Variants in PXT1 observed in about 807,000 individuals in gnomAD.
The protein encoded by PXT1 is peroxisomal testis-specific protein 1.
In PXT1, 11 loss-of-function variants were observed where a neutral mutation model predicts 11.0. The ratio of observed to expected loss-of-function variants is 1.00; its 90% CI spans 0.63 to 1.66. The LOEUF is 1.66. Among genes scored for constraint, PXT1 ranks in the 40% most tolerant of loss-of-function variants. The probability of loss-of-function intolerance (pLI) is 0.00; values close to 1 mark genes in which losing one functional copy is unlikely to be tolerated. For synonymous variants in PXT1, 43 were observed against 51.4 expected (o/e 0.84, Z 0.70); for missense variants, 141 against 155.5 (o/e 0.91, Z 0.49).
At chr6:36,404,065 A>C (rs1378542198) in intron 3 of PXT1, among the ~76,000 whole-genome samples, 1 of 152,226 alleles carries the variant, frequency 6.6e-6, no homozygotes, top group Non-Finnish European at 1.5e-5. Flanking sequence ...TGGATAAGAC[A>C]GATGGTTAAC....
intron 1 of PXT1, among the ~76,000 whole-genome samples, chr6:36,439,936 A>C (rs146125763): frequency 6.6e-6 from 1 of 152,138 alleles, no homozygotes; most frequent in Non-Finnish European, 1.5e-5. Flanking sequence ...CTTCCTCTCT[A>C]CAAATTAAAA....
chr6:36,442,201 G>A (rs1774882507), intron 1 of PXT1, among the ~76,000 whole-genome samples: 1 of 152,016 alleles, frequency 6.6e-6, no homozygotes. Flanking sequence ...GCTAATTTTT[G>A]TATTTTTAGC....
At chr6:36,422,880 C>G (rs1774542313) in intron 3 of PXT1, among the ~76,000 whole-genome samples, 1 of 152,116 alleles carries the variant, frequency 6.6e-6, no homozygotes, top group South Asian at 2.1e-4. Flanking sequence ...CACTTCTGCC[C>G]CTTGTCAAAT....
At chr6:36,414,807 T>C (rs9296180) in intron 3 of PXT1, among the ~76,000 whole-genome samples, 71,069 of 152,074 alleles carry the variant, frequency 0.47, 17,118 homozygotes, top group Middle Eastern at 0.58. Context: ...TTCTCAGAGA[T>C]AAACCACCTC....
At chr6:36,426,197 A>C (rs1312091156) in intron 2 of PXT1, 106 bp from the exon 3 acceptor site, 1 of 717,806 alleles carries the variant, frequency 1.4e-6, no homozygotes, top group Non-Finnish European at 2.2e-6. Flanking sequence ...TTTATTCCAC[A>C]TATAAGAGAG....
chr6:36,406,258 A>T (rs142125643), intron 3 of PXT1, among the ~76,000 whole-genome samples: 118 of 152,302 alleles, frequency 7.7e-4, no homozygotes, highest in Middle Eastern at 6.8e-3. Context: ...ACTTGACCCA[A>T]GAACAAATAA....
chr6:36,417,144 G>A (rs1370825497), intron 3 of PXT1, among the ~76,000 whole-genome samples: 1 of 152,046 alleles, frequency 6.6e-6, no homozygotes, highest in Non-Finnish European at 1.5e-5. Context: ...TCAGGAGTTC[G>A]AGATCAGCCT....
At chr6:36,419,564 C>A (rs1774494715) in intron 3 of PXT1, among the ~76,000 whole-genome samples, 1 of 152,142 alleles carries the variant, frequency 6.6e-6, no homozygotes, top group Non-Finnish European at 1.5e-5. Context: ...TATTTTGTGC[C>A]TGTCTAAACA....
intron 3 of PXT1, among the ~76,000 whole-genome samples, chr6:36,414,927 T>A (rs72849570): frequency 3.3e-5 from 5 of 152,362 alleles, no homozygotes; most frequent in Non-Finnish European, 7.3e-5. Context: ...TTAAATTCAA[T>A]CGCTTTGAAG....
chr6:36,395,865 T>A (rs551821745), intron 4 of PXT1, among the ~76,000 whole-genome samples: 70 of 151,794 alleles, frequency 4.6e-4, no homozygotes, highest in African/African-American at 1.6e-3. Flanking sequence ...TACCCAGGTG[T>A]GGTGGTGGGC....
intron 3 of PXT1, among the ~76,000 whole-genome samples, chr6:36,403,795 G>T (rs567609393): frequency 6.6e-6 from 1 of 152,262 alleles, no homozygotes; most frequent in South Asian, 2.1e-4. Flanking sequence ...CTGAGCCCAG[G>T]AGGTCAAGGC....
intron 3 of PXT1, among the ~76,000 whole-genome samples, chr6:36,406,320 C>G (rs2894406): frequency 0.48 from 72,937 of 151,916 alleles, 17,872 homozygotes; most frequent in Middle Eastern, 0.58. Flanking sequence ...AACAGGGTCA[C>G]TCAGGTTCCT....
chr6:36,416,813 T>C (rs114837000), intron 3 of PXT1, among the ~76,000 whole-genome samples: 1,731 of 152,338 alleles, frequency 0.011, 33 homozygotes, highest in African/African-American at 0.035. Context: ...ACGGATAGCA[T>C]GGAAGAGCTG....
intron 3 of PXT1, 22 bp downstream of exon 3, chr6:36,425,892 T>C (rs1396487791): frequency 6.6e-7 from 1 of 1,515,118 alleles, no homozygotes; most frequent in Non-Finnish European, 8.8e-7. Flanking sequence ...CTATTTATCT[T>C]AGTTTAATCC....
chr6:36,391,423 C>T lies in PXT1; in HGVS notation c.*347G>A, dbSNP rs1054064660. 8 of 241,844 alleles carry T rather than the reference C, an allele frequency of 3.3e-5. No individual in the cohort carries two copies. Among genetic ancestry groups the T allele is most frequent in the East Asian group, 1.3e-4 (1 of 7,694 alleles). 15.0% of individuals were successfully genotyped at this position (241,844 alleles called of 1,614,324 possible). A position where few individuals can be genotyped will look rare whatever the true frequency, so the allele number is the denominator to read the frequency against. On this transcript the variant is annotated 3_prime_UTR_variant, in exon 5 of 5. Coordinates refer to ENST00000454782, the MANE Select transcript of PXT1 (RefSeq NM_152990.4). ...ATTTCTGTGGCCTTTAGTTTGAGGA[C>T]GAGGTTCTCTTTCATTCCTGGAAGG...
chr6:36,428,920 T>C (rs1209977699), intron 2 of PXT1, among the ~76,000 whole-genome samples: 2 of 151,962 alleles, frequency 1.3e-5, no homozygotes, highest in Non-Finnish European at 2.9e-5. Context: ...CCTCCCAAAG[T>C]ATTGGGATTA....
intron 3 of PXT1, among the ~76,000 whole-genome samples, chr6:36,406,677 G>A (rs1031367068): frequency 4.6e-5 from 7 of 152,090 alleles, no homozygotes; most frequent in African/African-American, 7.2e-5. Context: ...TGGGTGTGGC[G>A]GTGCATGTCT....
chr6:36,429,503 C>CTTT (rs1774658180), intron 2 of PXT1, among the ~76,000 whole-genome samples: 12 of 104,244 alleles, frequency 1.2e-4, no homozygotes, highest in South Asian at 3.0e-4. Context: ...TTCTTTTTTT[C>CTTT]TTTTCTTTTT....
chr6:36,416,744 C>T (rs931967656), intron 3 of PXT1, among the ~76,000 whole-genome samples: 2 of 152,168 alleles, frequency 1.3e-5, no homozygotes, highest in African/African-American at 4.8e-5. Context: ...GTGATAGACA[C>T]TATATAGATA....
Sources: allele counts gnomAD v4.1 joint callset (sites outside exome capture counted in the v4.1 genomes callset), GRCh38; gene constraint gnomAD v4.1.1; transcripts MANE v1.5; gene names NCBI Gene and HGNC (gene_info 2026-07-23, HGNC 2026-07-21).